RICTOR: variants seen among roughly 807,000 people sequenced by gnomAD.
RICTOR encodes rapamycin-insensitive companion of mTOR.
A neutral mutation model predicts 214.9 loss-of-function variants in RICTOR; 49 were observed. The ratio of observed to expected loss-of-function variants is 0.23; its 90% CI spans 0.18 to 0.29. The LOEUF (loss-of-function observed/expected upper bound fraction) is 0.29. RICTOR is among the 10% of genes least tolerant of loss of function. The probability of loss-of-function intolerance (pLI) is 1.00; values close to 1 mark genes in which losing one functional copy is unlikely to be tolerated. For missense variants in RICTOR, 1,625 were observed against 2,047.0 expected, an observed-to-expected ratio of 0.79 and a Z score of 3.98; for synonymous variants, 717 against 711.3, an observed-to-expected ratio of 1.01 and a Z score of -0.13.
intron 25 of RICTOR, among the ~76,000 whole-genome samples, chr5:38,956,537 C>G (rs1014181335): frequency 3.3e-5 from 5 of 151,940 alleles, no homozygotes; most frequent in African/African-American, 7.3e-5. Flanking sequence ...CCGTGGATAC[C>G]CTTCTTCTAA....
At chr5:38,964,970 T>C (rs1750100000) in intron 15 of RICTOR, 78 bp from the exon 16 acceptor site, 1 of 815,006 alleles carries the variant, frequency 1.2e-6, no homozygotes, top group Middle Eastern at 2.3e-4. Flanking sequence ...GCACATATAA[T>C]GCTGTATTCA....
At chr5:39,036,104 T>G (rs1756670483) in intron 2 of RICTOR, among the ~76,000 whole-genome samples, 1 of 152,230 alleles carries the variant, frequency 6.6e-6, no homozygotes, top group Non-Finnish European at 1.5e-5. Flanking sequence ...CCCATCAGAC[T>G]AACAGCGGAT....
chr5:38,994,270 T>A (rs1752999900), intron 6 of RICTOR, among the ~76,000 whole-genome samples: 1 of 151,270 alleles, frequency 6.6e-6, no homozygotes, highest in Non-Finnish European at 1.5e-5. Context: ...AAATTCTGTA[T>A]TTAGATTTAG....
rs192674677 is a variant in RICTOR at position 38,940,437 on chromosome 5, T to A, written c.*1867A>T. The stretch of plus-strand genomic sequence containing the variant: ...CTATTTGGTCTAGTAACTCTGACAT[T>A]TGGTTCTCTGGAAAGGCAGTTTAGT... On this transcript the variant is annotated 3_prime_UTR_variant, in exon 38 of 38. Coordinates refer to ENST00000357387, the MANE Select transcript of RICTOR (RefSeq NM_152756.5). The A allele has an allele frequency of 8.6e-6, 2 of 232,598 alleles. No individual in the cohort carries two copies. Among genetic ancestry groups the A allele is most frequent in the Non-Finnish European group, 1.7e-5 (2 of 117,468 alleles). The allele number at this position is 232,598 out of a possible 1,614,324, so 14.4% of individuals were successfully genotyped here.
intron 8 of RICTOR, among the ~76,000 whole-genome samples, chr5:38,978,927 T>C (rs1304647793): frequency 6.6e-6 from 1 of 152,218 alleles, no homozygotes; most frequent in Non-Finnish European, 1.5e-5. Context: ...TAAAACATTA[T>C]AGGCATCCTC....
At chr5:39,050,464 G>A (rs370735600) in intron 2 of RICTOR, among the ~76,000 whole-genome samples, 26 of 152,032 alleles carry the variant, frequency 1.7e-4, no homozygotes, top group African/African-American at 6.0e-4. Flanking sequence ...AACCTCCCAA[G>A]TTGCTGGGAC....
chr5:39,038,799 G>A (rs978634900), intron 2 of RICTOR, among the ~76,000 whole-genome samples: 7 of 152,088 alleles, frequency 4.6e-5, no homozygotes, highest in African/African-American at 1.7e-4. Flanking sequence ...ACAAACCACT[G>A]CTCAATGAAA....
intron 2 of RICTOR, among the ~76,000 whole-genome samples, chr5:39,045,759 G>T (rs1277485812): frequency 6.6e-6 from 1 of 151,956 alleles, no homozygotes; most frequent in East Asian, 1.9e-4. Context: ...CAGATCATTT[G>T]TCAGACAGGT....
chr5:38,978,521 TA>T, intron 9 of RICTOR, 61 bp downstream of exon 9: 1 of 759,548 alleles, frequency 1.3e-6, no homozygotes, highest in South Asian at 2.1e-5. Context: ...CACGCAAACC[TA>T]AAAGCTTTAG....
Position 38,944,465 on chromosome 5 carries a change from G to T in RICTOR, c.4894C>A (p.His1632Asn). 1.2e-6 allele frequency: 2 copies of T among 1,608,652 alleles called. No individual in the cohort carries two copies. The highest frequency in any genetic ancestry group is 1.7e-6 in the Non-Finnish European group (2 of 1,178,138). Residue 1632 changes from histidine to asparagine, a missense_variant, in exon 36 of 38, where the codon CAT becomes AAT. Coordinates refer to ENST00000357387, the MANE Select transcript of RICTOR (RefSeq NM_152756.5). ...NLSSSVSTKC[H>N]ETGLLTIKEK... Reference sequence around the variant, plus strand: ...ACTCACGTTAAAAGCCCAGTCTCATGACATTTAGTTGAAACTGAACTACTC... The same window carrying T: ...ACTCACGTTAAAAGCCCAGTCTCATTACATTTAGTTGAAACTGAACTACTC...
At chr5:39,008,428 C>A (rs931353363) in intron 3 of RICTOR, among the ~76,000 whole-genome samples, 6 of 152,026 alleles carry the variant, frequency 3.9e-5, no homozygotes, top group Admixed American at 3.9e-4. Flanking sequence ...AATATGACTT[C>A]CTAAGGCCAC....
chr5:39,015,417 T>C (rs1754869130), intron 3 of RICTOR, among the ~76,000 whole-genome samples: 1 of 151,788 alleles, frequency 6.6e-6, no homozygotes, highest in Non-Finnish European at 1.5e-5. Flanking sequence ...ATAAATTTTA[T>C]AATAAAATCT....
chr5:38,977,738 C>T (rs1434985126), intron 9 of RICTOR, among the ~76,000 whole-genome samples: 1 of 151,548 alleles, frequency 6.6e-6, no homozygotes, highest in Non-Finnish European at 1.5e-5. Context: ...TGGGAATACC[C>T]ATGCCCAGCT....
In RICTOR at chr5:38,957,749, A is replaced by G. The variant is rs759767224; in HGVS notation, c.2421-19T>C. The G allele has an allele frequency of 7.0e-7, 1 of 1,418,862 alleles. No individual in the cohort carries two copies. The allele number at this position is 1,418,862 out of a possible 1,614,324, so 87.9% of individuals were successfully genotyped here. ...GAGAAATCTGCAAATTAAAACAAGC[A>G]ATAGTTTAACATTGAGTCTGGCAAA... is the stretch of plus-strand genomic sequence containing the variant. On this transcript the variant is annotated intron_variant, in intron 24 of 37. Transcript: ENST00000357387.
chr5:39,039,376 T>C (rs1011454833), intron 2 of RICTOR, among the ~76,000 whole-genome samples: 1 of 152,130 alleles, frequency 6.6e-6, no homozygotes, highest in Non-Finnish European at 1.5e-5. Flanking sequence ...GAAGAAAACC[T>C]AGGCAATACC....
rs199523444 is a variant in RICTOR, at chr5:38,967,926, T to G, written c.1060+17A>C. 1,425 of 1,287,254 alleles carry G rather than the reference T, an allele frequency of 1.1e-3. 26 individuals are homozygous for G. The South Asian group carries it at 0.012, about 11-fold the overall frequency. The allele number at this position is 1,287,254 out of a possible 1,614,324, so 79.7% of individuals were successfully genotyped here. The stretch of plus-strand genomic sequence containing the variant: ...ATTACAATATATGAAAAGATACAAA[T>G]GTACTTCAATACTTACCTACACTGA... On this transcript the variant is annotated intron_variant, in intron 12 of 37. Transcript: ENST00000357387.
intron 3 of RICTOR, among the ~76,000 whole-genome samples, chr5:39,013,438 C>A (rs1754700114): frequency 6.6e-6 from 1 of 152,070 alleles, no homozygotes; most frequent in South Asian, 2.1e-4. Flanking sequence ...GGGCTATAAA[C>A]AATTATATCC....
chr5:38,994,061 G>C lies in RICTOR; in HGVS notation c.456+2758C>G, dbSNP rs571766548. On this transcript the variant is annotated intron_variant, in intron 6 of 37. Transcript: ENST00000357387. ...AAAAATTAGCAGGGCGTGGTGGCGG[G>C]TGCCTGTAGTCCCAGCTACTGGGGA... Among the ~76,000 whole-genome samples the C allele has an allele frequency of 1.3e-3, 198 of 152,016 alleles. 3 individuals carry two copies. The highest frequency in any genetic ancestry group is 4.6e-3 in the African/African-American group (192 of 41,510).
intron 7 of RICTOR, among the ~76,000 whole-genome samples, chr5:38,987,224 T>C (rs78592730): frequency 6.6e-6 from 1 of 152,206 alleles, no homozygotes; most frequent in Non-Finnish European, 1.5e-5. Context: ...GGTATCAGGA[T>C]GGTACTGGCC....
Sources: gnomAD v4.1 joint callset for allele counts (sites outside exome capture counted in the v4.1 genomes callset) on GRCh38, gnomAD v4.1.1 for gene constraint, MANE v1.5 for transcripts, NCBI Gene and HGNC (gene_info 2026-07-23, HGNC 2026-07-21) for gene names.